Variants in CNBD1 observed in about 807,000 individuals in gnomAD.
CNBD1 encodes cyclic nucleotide-binding domain-containing protein 1.
Under a neutral mutation model 54.4 loss-of-function variants are expected in CNBD1, and 71 were observed. The observed-to-expected ratio is 1.30, with a 90% CI of 1.08 to 1.59. The LOEUF (loss-of-function observed/expected upper bound fraction) is 1.59, where lower values mean the gene tolerates loss of function less well. Ranked by LOEUF, CNBD1 falls within the 40% of genes most tolerant of loss-of-function variation. CNBD1 has a pLI of 0.00. For synonymous variants in CNBD1, 182 were observed against 170.7 expected, an observed-to-expected ratio of 1.07 and a Z score of -0.51; for missense variants, 659 against 518.0, an observed-to-expected ratio of 1.27 and a Z score of -2.64.
chr8:87,274,214 G>A (rs1388439718), intron 6 of CNBD1, among the ~76,000 whole-genome samples: 1 of 150,790 alleles, frequency 6.6e-6, no homozygotes, highest in Non-Finnish European at 1.5e-5. Context: ...TATCGTGAAT[G>A]GTGCCGCAAT....
intron 4 of CNBD1, among the ~76,000 whole-genome samples, chr8:87,106,138 CTTTCT>C (rs930050722): frequency 1.3e-5 from 2 of 151,714 alleles, no homozygotes; most frequent in African/African-American, 2.4e-5. Context: ...TCTTTCTTTC[CTTTCT>C]TTTCTTCTTT....
chr8:87,122,144 C>G (rs1290158339), intron 4 of CNBD1, among the ~76,000 whole-genome samples: 1 of 151,712 alleles, frequency 6.6e-6, no homozygotes, highest in East Asian at 1.9e-4. Flanking sequence ...AACCTCCATA[C>G]CATTTTTCAT....
chr8:87,228,787 C>A (rs1282714693), intron 5 of CNBD1, among the ~76,000 whole-genome samples: 1 of 152,112 alleles, frequency 6.6e-6, no homozygotes, highest in Non-Finnish European at 1.5e-5. Context: ...AGCTTCCAGG[C>A]TGTGTTGTTT....
intron 2 of CNBD1, among the ~76,000 whole-genome samples, chr8:86,894,392 A>G (rs1808820048): frequency 6.6e-6 from 1 of 152,204 alleles, no homozygotes. Context: ...TTTTGGCTTT[A>G]CAAAAAAATT....
chr8:87,141,553 G>C (rs112994002), intron 4 of CNBD1, among the ~76,000 whole-genome samples: 9 of 151,972 alleles, frequency 5.9e-5, no homozygotes, highest in African/African-American at 1.9e-4. Context: ...ATATTTTCTG[G>C]GTTTAGGAAT....
At chr8:87,420,835 G>C (rs1202455492) in intron 2 of CNBD1, among the ~76,000 whole-genome samples, 1 of 150,650 alleles carries the variant, frequency 6.6e-6, no homozygotes, top group African/African-American at 2.4e-5. Flanking sequence ...TTAATTCATG[G>C]TCATATATCT....
chr8:86,948,807 G>A (rs1003140222), intron 4 of CNBD1, among the ~76,000 whole-genome samples: 1 of 152,066 alleles, frequency 6.6e-6, no homozygotes, highest in Non-Finnish European at 1.5e-5. Context: ...GCCTGTGCTT[G>A]CGGGTTATTA....
chr8:86,925,482 AGTGTGTGTGT>A (rs71275894), intron 3 of CNBD1, among the ~76,000 whole-genome samples: 10,697 of 141,718 alleles, frequency 0.075, 519 homozygotes, highest in African/African-American at 0.14. Flanking sequence ...CTTACCAAAA[AGTGTGTGTGT>A]GTGTGTGTGT....
chr8:87,077,137 C>G (rs1026892716), intron 4 of CNBD1, among the ~76,000 whole-genome samples: 10 of 152,122 alleles, frequency 6.6e-5, no homozygotes, highest in African/African-American at 2.4e-4. Flanking sequence ...TTTTTGAGGC[C>G]TTGAGGGACC....
chr8:86,991,216 T>C (rs1387948331), intron 4 of CNBD1, among the ~76,000 whole-genome samples: 3 of 152,156 alleles, frequency 2.0e-5, no homozygotes, highest in Non-Finnish European at 4.4e-5. Flanking sequence ...TAGTATTATG[T>C]TGAATGACAG....
intron 4 of CNBD1, among the ~76,000 whole-genome samples, chr8:87,046,745 G>T (rs373320688): frequency 6.6e-6 from 1 of 152,284 alleles, no homozygotes; most frequent in African/African-American, 2.4e-5. Context: ...CTACACACTA[G>T]GTGGGAAGGA....
chr8:87,324,199 G>A (rs970955089), intron 8 of CNBD1, among the ~76,000 whole-genome samples: 1 of 127,472 alleles, frequency 7.8e-6, no homozygotes, highest in Non-Finnish European at 1.8e-5. Flanking sequence ...GCTGGATTCG[G>A]TTTGCCAGTA....
intron 8 of CNBD1, among the ~76,000 whole-genome samples, chr8:87,296,412 A>T (rs971743704): frequency 3.9e-5 from 6 of 152,148 alleles, no homozygotes; most frequent in African/African-American, 1.4e-4. Context: ...AGGGGGAAGA[A>T]GTGAAAATAG....
chr8:87,363,109 T>C lies in CNBD1; in HGVS notation c.1303+9323T>C, dbSNP rs144873561. Among the ~76,000 whole-genome samples, 377 of 152,164 alleles carry C rather than the reference T, an allele frequency of 2.5e-3. 4 individuals carry two copies. The highest frequency in any genetic ancestry group is 8.2e-3 in the African/African-American group (342 of 41,510). Reference sequence around the variant, plus strand: ...ATGAGTGGGAACATGAAGTGTTTGGTTTTCTGTTGTTGTGTTAGTTTGCTG... The same window carrying C: ...ATGAGTGGGAACATGAAGTGTTTGGCTTTCTGTTGTTGTGTTAGTTTGCTG... On this transcript the variant is annotated intron_variant, in intron 10 of 10. Transcript: ENST00000518476.
At chr8:87,378,579 A>G (rs1362156716) in intron 10 of CNBD1, among the ~76,000 whole-genome samples, 1 of 149,984 alleles carries the variant, frequency 6.7e-6, no homozygotes, top group South Asian at 2.1e-4. Context: ...GTTTGAAGTC[A>G]GGTAGTGTGA....
chr8:87,019,893 T>G (rs1158756261), intron 4 of CNBD1, among the ~76,000 whole-genome samples: 1 of 152,008 alleles, frequency 6.6e-6, no homozygotes, highest in Non-Finnish European at 1.5e-5. Context: ...AAAGAAAAGA[T>G]TACATTTATT....
intron 6 of CNBD1, among the ~76,000 whole-genome samples, chr8:87,276,295 T>C (rs1221204390): frequency 1.3e-5 from 2 of 151,912 alleles, no homozygotes; most frequent in Non-Finnish European, 2.9e-5. Flanking sequence ...CTTTCAGTTT[T>C]TATTTTATTT....
intron 2 of CNBD1, among the ~76,000 whole-genome samples, chr8:87,422,490 A>G (rs936755002): frequency 2.0e-5 from 3 of 151,612 alleles, no homozygotes; most frequent in African/African-American, 7.3e-5. Context: ...CTTTCTACAT[A>G]TGGCTAGCCA....
Position 87,172,290 on chromosome 8 carries a change from T to C in CNBD1, c.432-33703T>C, listed in dbSNP as rs193118580. 1.8e-3 allele frequency among the ~76,000 whole-genome samples: 280 copies of C among 152,296 alleles called. 1 individual carries two copies. Among genetic ancestry groups the C allele is most frequent in the Middle Eastern group, 6.8e-3 (2 of 292 alleles). On this transcript the variant is annotated intron_variant, in intron 4 of 10. Coordinates refer to ENST00000518476, the MANE Select transcript of CNBD1 (RefSeq NM_173538.3). ...TTTAAGACTGGTTTTGTGACCTACATATGGTCACATGTCAAGAATAATCCA... is the reference window on the plus strand; with the variant it reads ...TTTAAGACTGGTTTTGTGACCTACACATGGTCACATGTCAAGAATAATCCA...
Sources: allele counts gnomAD v4.1 joint callset (sites outside exome capture counted in the v4.1 genomes callset), GRCh38; gene constraint gnomAD v4.1.1; transcripts MANE v1.5; gene names NCBI Gene and HGNC (gene_info 2026-07-23, HGNC 2026-07-21).